Variants in RALA observed in about 807,000 individuals in gnomAD.
The protein encoded by RALA is RAS like proto-oncogene A, also known as ras-related protein Ral-A.
RALA carries 5 observed loss-of-function variants against 24.0 expected under a neutral mutation model. That is an observed-to-expected ratio of 0.21 (90% CI 0.11 to 0.44). The LOEUF is 0.44. Among genes scored for constraint, RALA ranks in the 20% least tolerant of loss-of-function variants. The pLI is 0.99. For synonymous variants in RALA, 77 were observed against 83.8 expected, an observed-to-expected ratio of 0.92 and a Z score of 0.44; for missense variants, 95 against 241.2, an observed-to-expected ratio of 0.39 and a Z score of 4.01.
chr7:39,665,855 T>C (rs1792279428), intron 1 of RALA, among the ~76,000 whole-genome samples: 1 of 152,118 alleles, frequency 6.6e-6, no homozygotes, highest in African/African-American at 2.4e-5. Context: ...TGAATTTTTT[T>C]TTTTTAATCC....
intron 1 of RALA, among the ~76,000 whole-genome samples, chr7:39,645,400 G>A (rs1246697382): frequency 6.6e-6 from 1 of 152,168 alleles, no homozygotes; most frequent in South Asian, 2.1e-4. Flanking sequence ...TTACTAATGT[G>A]TGTTTTCTTA....
intron 1 of RALA, among the ~76,000 whole-genome samples, chr7:39,661,987 A>G (rs1220123812): frequency 6.6e-6 from 1 of 152,236 alleles, no homozygotes; most frequent in East Asian, 1.9e-4. Context: ...GTGCACTCAC[A>G]GGCTCAACAA....
At chr7:39,627,602 T>A (rs1388432394) in intron 1 of RALA, among the ~76,000 whole-genome samples, 1 of 152,144 alleles carries the variant, frequency 6.6e-6, no homozygotes, top group Non-Finnish European at 1.5e-5. Flanking sequence ...TGGGCAAAGA[T>A]CCCCCAGTTT....
intron 1 of RALA, among the ~76,000 whole-genome samples, chr7:39,644,660 C>A (rs1373597371): frequency 2.0e-5 from 3 of 152,110 alleles, no homozygotes; most frequent in African/African-American, 7.2e-5. Flanking sequence ...ACTATTTTGC[C>A]ATAAACAGAG....
chr7:39,645,180 T>C (rs1464708793), intron 1 of RALA, among the ~76,000 whole-genome samples: 1 of 152,192 alleles, frequency 6.6e-6, no homozygotes, highest in Non-Finnish European at 1.5e-5. Flanking sequence ...TTTTCCAATT[T>C]AATGTCAGTA....
At chr7:39,682,803 C>T (rs1792629669) in intron 1 of RALA, among the ~76,000 whole-genome samples, 1 of 152,132 alleles carries the variant, frequency 6.6e-6, no homozygotes, top group Admixed American at 6.5e-5. Context: ...CCACCACACC[C>T]CACTAATTTT....
chr7:39,684,084 T>C (rs1415321445), intron 1 of RALA, among the ~76,000 whole-genome samples: 1 of 152,228 alleles, frequency 6.6e-6, no homozygotes, highest in Non-Finnish European at 1.5e-5. Flanking sequence ...TTCAGACTTT[T>C]AGTTACCTGC....
intron 1 of RALA, among the ~76,000 whole-genome samples, chr7:39,685,869 C>CT (rs1197073380): frequency 6.6e-6 from 1 of 152,116 alleles, no homozygotes; most frequent in Non-Finnish European, 1.5e-5. Context: ...ATGTAGTAAA[C>CT]ACATTAGCAG....
At chr7:39,703,868 C>A (rs1371377307) in intron 4 of RALA, among the ~76,000 whole-genome samples, 1 of 152,070 alleles carries the variant, frequency 6.6e-6, no homozygotes, top group Admixed American at 6.6e-5. Context: ...CACAAACAAA[C>A]TACAAAATGA....
chr7:39,630,804 T>C (rs1479751476), intron 1 of RALA, among the ~76,000 whole-genome samples: 1 of 152,008 alleles, frequency 6.6e-6, no homozygotes, highest in Non-Finnish European at 1.5e-5. Context: ...GTTGGGTATA[T>C]TTTTTTTCTA....
chr7:39,680,508 A>G (rs1792574184), intron 1 of RALA, among the ~76,000 whole-genome samples: 1 of 151,632 alleles, frequency 6.6e-6, no homozygotes, highest in African/African-American at 2.4e-5. Flanking sequence ...CCCAGGAGGC[A>G]GAGTTTGCAG....
At chr7:39,648,033 A>AT (rs1791957631) in intron 1 of RALA, among the ~76,000 whole-genome samples, 1 of 152,214 alleles carries the variant, frequency 6.6e-6, no homozygotes, top group Non-Finnish European at 1.5e-5. Context: ...TGCCACTTCT[A>AT]TATGGTATAA....
intron 1 of RALA, among the ~76,000 whole-genome samples, chr7:39,678,434 G>A (rs1792527906): frequency 6.6e-6 from 1 of 152,142 alleles, no homozygotes; most frequent in Non-Finnish European, 1.5e-5. Context: ...AAGGAAAAAT[G>A]GAGGAAAGAA....
intron 1 of RALA, among the ~76,000 whole-genome samples, chr7:39,681,302 C>CT (rs70996832): frequency 0.045 from 2,234 of 49,956 alleles, 444 homozygotes; most frequent in East Asian, 0.11. Context: ...CACCCTATTC[C>CT]TTTTTTTTTT....
intron 1 of RALA, among the ~76,000 whole-genome samples, chr7:39,684,052 A>G (rs1334103890): frequency 1.3e-5 from 2 of 152,206 alleles, no homozygotes; most frequent in African/African-American, 2.4e-5. Context: ...ATGCTTCATA[A>G]ACTGGCTTAG....
chr7:39,687,319 C>T (rs1221749257), intron 2 of RALA, among the ~76,000 whole-genome samples: 1 of 151,498 alleles, frequency 6.6e-6, no homozygotes, highest in African/African-American at 2.4e-5. Context: ...CCCAGCTACT[C>T]GGGAGGCTGA....
At chr7:39,684,955 C>T (rs1390770830) in intron 1 of RALA, among the ~76,000 whole-genome samples, 2 of 152,084 alleles carry the variant, frequency 1.3e-5, no homozygotes, top group African/African-American at 4.8e-5. Flanking sequence ...AGACTATTAA[C>T]CCAAGTGAAC....
chr7:39,697,948 A>AGTGTGT (rs370929636), intron 4 of RALA, among the ~76,000 whole-genome samples: 1,756 of 148,864 alleles, frequency 0.012, 13 homozygotes, highest in South Asian at 0.036. Flanking sequence ...GACTAGGGCA[A>AGTGTGT]GTGTGTGTGT....
In RALA at chr7:39,686,850, T is replaced by C. The variant is rs556085378; in HGVS notation, c.114+69T>C. 1.1e-5 allele frequency: 13 copies of C among 1,234,192 alleles called. No individual in the cohort carries two copies. The African/African-American group carries it at 1.5e-4, about 14-fold the overall frequency. The allele number at this position is 1,234,192 out of a possible 1,614,324, so 76.5% of individuals were successfully genotyped here. A position where few individuals can be genotyped will look rare whatever the true frequency, so the allele number is the denominator to read the frequency against. ...GAGTATTTCCCTAGCTTAGTTTTGG[T>C]GCTATTTTGTATGGATTGTTTGAAT... On this transcript the variant is annotated intron_variant, in intron 2 of 4. Coordinates refer to ENST00000005257, the MANE Select transcript of RALA (RefSeq NM_005402.4).
Sources: gnomAD v4.1 joint callset for allele counts (sites outside exome capture counted in the v4.1 genomes callset) on GRCh38, gnomAD v4.1.1 for gene constraint, MANE v1.5 for transcripts, NCBI Gene and HGNC (gene_info 2026-07-23, HGNC 2026-07-21) for gene names.